The following TRIOBP variants were observed in gnomAD, a reference collection of about 807,000 sequenced individuals.
TRIOBP encodes TRIO and F-actin-binding protein.
Under a neutral mutation model 238.8 loss-of-function variants are expected in TRIOBP, and 169 were observed. The ratio of observed to expected loss-of-function variants is 0.71; its 90% confidence interval spans 0.62 to 0.80. The LOEUF (loss-of-function observed/expected upper bound fraction) is 0.80. Among genes scored for constraint, TRIOBP ranks in the 30% least tolerant of loss-of-function variants. The probability of loss-of-function intolerance (pLI) is 0.00; values close to 1 mark genes in which losing one functional copy is unlikely to be tolerated. For synonymous variants in TRIOBP, 1,150 were observed against 1,274.4 expected (o/e 0.90, Z 2.08); for missense variants, 2,838 against 3,122.6 (o/e 0.91, Z 2.17).
At position 37,754,950 on chromosome 22, in the gene TRIOBP, G is replaced by A; in HGVS notation, c.5453G>A (p.Ser1818Asn). 1 of 1,614,156 alleles carries A rather than the reference G, an allele frequency of 6.2e-7. No individual in the cohort carries two copies. Among genetic ancestry groups the A allele is most frequent in the Non-Finnish European group, 8.5e-7 (1 of 1,180,038 alleles). ...CATTGGTTTGTGCTGACAGATTCAA[G>A]TCTCAAATATTACAGAGACTCCACT... ...KKHWFVLTDS[S>N]LKYYRDSTAE... The change falls in exon 13 of 24, where the codon AGT becomes AAT. Residue 1818 changes from serine to asparagine, a missense_variant. Physicochemically the swap from Ser to Asn is conservative, Grantham distance 46. Coordinates refer to ENST00000644935, the MANE Select transcript of TRIOBP (RefSeq NM_001039141.3).
intron 11 of TRIOBP, among the ~76,000 whole-genome samples, chr22:37,748,366 C>T (rs1346374332): frequency 1.3e-5 from 2 of 152,196 alleles, no homozygotes; most frequent in African/African-American, 4.8e-5. Flanking sequence ...GTGTGTGAGG[C>T]TCCGGGGCTT....
At chr22:37,720,000 C>CCTT (rs1923747483) in intron 6 of TRIOBP, among the ~76,000 whole-genome samples, 3 of 54,348 alleles carry the variant, frequency 5.5e-5, no homozygotes, top group African/African-American at 1.5e-4. Context: ...CCCCCCCGCC[C>CCTT]TTTTTTTTTT....
chr22:37,725,044 C>G lies in TRIOBP; in HGVS notation c.2488C>G (p.Gln830Glu). The G allele has an allele frequency of 6.2e-7, 1 of 1,614,182 alleles. No individual in the cohort carries two copies. Among genetic ancestry groups the G allele is most frequent in the Non-Finnish European group, 8.5e-7 (1 of 1,180,016 alleles). The change falls in exon 7 of 24, where the codon CAA becomes GAA. Residue 830 changes from glutamine to glutamate, a missense_variant. By Grantham distance (29) the Gln-to-Glu change is conservative. Around this residue, in one of 5 missense-constraint regions of TRIOBP, gnomAD observed 2,096 missense variants for 2,137.4 expected, o/e 0.98. Transcript: ENST00000644935. Reference protein sequence around the residue: ...QQNIPRSSSTQQDNPKTSCTK... With the variant: ...QQNIPRSSSTEQDNPKTSCTK... The stretch of plus-strand genomic sequence containing the variant: ...GAACATCCCCAGATCATCTTCTACC[C>G]AACAAGACAACCCTAAAACCTCTTG...
At chr22:37,730,495 T>C (rs1924371366) in intron 7 of TRIOBP, among the ~76,000 whole-genome samples, 1 of 152,154 alleles carries the variant, frequency 6.6e-6, no homozygotes, top group Non-Finnish European at 1.5e-5. Context: ...GTTTCCACTA[T>C]TGTCCTCCTG....
At chr22:37,721,431 G>A (rs1260554644) in intron 6 of TRIOBP, among the ~76,000 whole-genome samples, 1 of 152,206 alleles carries the variant, frequency 6.6e-6, no homozygotes, top group African/African-American at 2.4e-5. Context: ...ATCTTAAGAA[G>A]GCGTGAAGGG....
At chr22:37,710,375 G>A in intron 3 of TRIOBP, 52 bp from the exon 4 acceptor site, 1 of 1,608,392 alleles carries the variant, frequency 6.2e-7, no homozygotes, top group Non-Finnish European at 8.5e-7. Context: ...GCAGGGGGAG[G>A]GGAGCCCCCA....
chr22:37,743,292 G>A (rs1023756425), intron 11 of TRIOBP, among the ~76,000 whole-genome samples: 13 of 152,208 alleles, frequency 8.5e-5, no homozygotes, highest in Non-Finnish European at 4.4e-5. Flanking sequence ...GCCTGGAGTC[G>A]AGTTCTGGCT....
chr22:37,715,665 ATTCCCTTCCC>A, intron 5 of TRIOBP, 88 bp from the exon 6 acceptor site: 1 of 1,433,442 alleles, frequency 7.0e-7, no homozygotes, highest in South Asian at 1.2e-5. Context: ...TTTAATGCCA[ATTCCCTTCCC>A]TTCCTTCTGC....
rs570621284 is a variant in TRIOBP at position 37,699,242 on chromosome 22, C to T, written c.-61+1546C>T. ...TTGCTGTGTGACTTTAGGCTGTTCA[C>T]GTTTGTCAAAGACGTCGTCCTCAAC... On this transcript the variant is annotated intron_variant, in intron 2 of 23. Coordinates refer to ENST00000644935, the MANE Select transcript of TRIOBP (RefSeq NM_001039141.3). Among the ~76,000 whole-genome samples the T allele has an allele frequency of 7.9e-5, 12 of 152,292 alleles. No individual in the cohort carries two copies. In the South Asian group the frequency reaches 1.9e-3, roughly 24 times the overall value.
At chr22:37,762,758 C>T (rs932464799) in intron 17 of TRIOBP, among the ~76,000 whole-genome samples, 3 of 152,070 alleles carry the variant, frequency 2.0e-5, no homozygotes, top group Non-Finnish European at 2.9e-5. Context: ...CGGGAGGAGG[C>T]GGATGGAAAT....
rs781562394 is a variant in TRIOBP at position 37,765,816 on chromosome 22, A to G, written c.6471A>G (p.Ser2157=). The G allele has an allele frequency of 1.0e-5, 16 of 1,540,080 alleles. No individual in the cohort carries two copies. In the African/African-American group the frequency reaches 2.1e-4, roughly 20 times the overall value. ...LLAEETAATA[S]AIEAMKKAYQ... is the part of the protein sequence containing the mutation. ...CTGAGGAGACGGCAGCCACGGCCTCAGGTATGGACCCTGGGGGGGGCACAG... is the reference window on the plus strand; with the variant it reads ...CTGAGGAGACGGCAGCCACGGCCTCGGGTATGGACCCTGGGGGGGGCACAG... The change falls in exon 18 of 24, where the codon TCA becomes TCG. Residue 2157 remains serine (S), a splice_region_variant and synonymous_variant. Coordinates refer to ENST00000644935, the MANE Select transcript of TRIOBP (RefSeq NM_001039141.3).
chr22:37,749,324 C>T (rs1386069758), intron 11 of TRIOBP, among the ~76,000 whole-genome samples: 1 of 152,112 alleles, frequency 6.6e-6, no homozygotes, highest in African/African-American at 2.4e-5. Flanking sequence ...CATTGCACTC[C>T]AGCCTGGGCA....
chr22:37,752,648 T>C (rs1470048611), intron 12 of TRIOBP, among the ~76,000 whole-genome samples: 1 of 152,224 alleles, frequency 6.6e-6, no homozygotes, highest in Admixed American at 6.5e-5. Context: ...GCCCACAGCC[T>C]TCCCTACCCG....
intron 11 of TRIOBP, among the ~76,000 whole-genome samples, chr22:37,744,574 G>A (rs186097693): frequency 1.2e-3 from 183 of 152,292 alleles, no homozygotes; most frequent in African/African-American, 4.3e-3. Flanking sequence ...AAAGCCTGGA[G>A]GAGGCTGGTG....
chr22:37,741,560 G>A (rs1569049376), intron 11 of TRIOBP, among the ~76,000 whole-genome samples: 1 of 152,236 alleles, frequency 6.6e-6, no homozygotes, highest in Non-Finnish European at 1.5e-5. Context: ...AGGACAGAAG[G>A]GGCCTGGCCA....
chr22:37,750,064 T>G (rs1262938241), intron 11 of TRIOBP, among the ~76,000 whole-genome samples: 1 of 152,206 alleles, frequency 6.6e-6, no homozygotes, highest in Non-Finnish European at 1.5e-5. Context: ...ATCACTAGGT[T>G]TCTCCTTGTA....
intron 17 of TRIOBP, among the ~76,000 whole-genome samples, chr22:37,763,050 G>A (rs1926319734): frequency 6.6e-6 from 1 of 152,130 alleles, no homozygotes; most frequent in African/African-American, 2.4e-5. Flanking sequence ...GGCCCTAGGA[G>A]CCCCTGTTCG....
chr22:37,701,612 C>T, intron 3 of TRIOBP, 133 bp downstream of exon 3: 3 of 682,900 alleles, frequency 4.4e-6, no homozygotes, highest in Non-Finnish European at 5.4e-6. Flanking sequence ...TCGGTTTTCC[C>T]ACATTGCAGG....
chr22:37,742,276 T>A (rs112180157), intron 11 of TRIOBP, among the ~76,000 whole-genome samples: 12,050 of 141,126 alleles, frequency 0.085, 1,807 homozygotes, highest in African/African-American at 0.3. Flanking sequence ...TTTTTTTTTT[T>A]AAATTAAGAT....
Sources: gnomAD v4.1 joint callset for allele counts (sites outside exome capture counted in the v4.1 genomes callset) on GRCh38, gnomAD v4.1.1 for gene constraint, gnomAD v4.1.1 regional missense constraint, MANE v1.5 for transcripts, NCBI Gene and HGNC (gene_info 2026-07-23, HGNC 2026-07-21) for gene names.